Variants in SUCLG2 observed in about 807,000 individuals in gnomAD.
SUCLG2 encodes succinate-CoA ligase GDP-forming subunit beta, also known as succinate--CoA ligase [GDP-forming] subunit beta, mitochondrial.
In SUCLG2, 42 loss-of-function variants were observed where a neutral mutation model predicts 47.9. That is an observed-to-expected ratio of 0.88 (90% CI 0.69 to 1.14). SUCLG2 has a LOEUF of 1.14. SUCLG2 is among the 50% of genes most tolerant of loss of function. SUCLG2 has a pLI of 0.00. For synonymous variants in SUCLG2, 195 were observed against 197.3 expected (o/e 0.99, Z 0.10); for missense variants, 571 against 525.9 (o/e 1.09, Z -0.84).
At chr3:67,392,179 G>C (rs1039926483) in intron 10 of SUCLG2, among the ~76,000 whole-genome samples, 2 of 152,060 alleles carry the variant, frequency 1.3e-5, no homozygotes, top group African/African-American at 2.4e-5. Flanking sequence ...ACTGACCCCT[G>C]TGGACATGTC....
chr3:67,524,862 T>C (rs1016521963), intron 4 of SUCLG2, among the ~76,000 whole-genome samples: 1 of 152,122 alleles, frequency 6.6e-6, no homozygotes, highest in Non-Finnish European at 1.5e-5. Flanking sequence ...TCAGGCAGGG[T>C]GCTGGGTGCT....
chr3:67,360,553 G>A (rs756361089), exon 11 of SUCLG2: 81 of 1,399,226 alleles, frequency 5.8e-5, no homozygotes, highest in Admixed American at 2.6e-5. Flanking sequence ...GAACCCAAAT[G>A]TAAAAAAATA....
chr3:67,377,869 G>C (rs1445772818), intron 10 of SUCLG2, among the ~76,000 whole-genome samples: 1 of 152,088 alleles, frequency 6.6e-6, no homozygotes, highest in Non-Finnish European at 1.5e-5. Flanking sequence ...GCCCAGGCTG[G>C]TCCTGAACTC....
intron 1 of SUCLG2, among the ~76,000 whole-genome samples, chr3:67,616,045 T>A (rs1193890621): frequency 6.6e-6 from 1 of 151,922 alleles, no homozygotes; most frequent in African/African-American, 2.4e-5. Context: ...TTGTAGCTAG[T>A]ATGCCAAAAC....
intron 2 of SUCLG2, among the ~76,000 whole-genome samples, chr3:67,578,014 G>T (rs7643495): frequency 0.27 from 40,430 of 151,668 alleles, 6,152 homozygotes; most frequent in East Asian, 0.44. Context: ...GTGAAGTAAG[G>T]GGGGAAGACC....
intron 1 of SUCLG2, among the ~76,000 whole-genome samples, chr3:67,653,536 A>C (rs115563180): frequency 0.011 from 1,689 of 152,334 alleles, 38 homozygotes; most frequent in African/African-American, 0.039. Flanking sequence ...TTTTCTAAAA[A>C]ACTATACTAT....
At chr3:67,453,357 C>T (rs1276560891) in intron 9 of SUCLG2, among the ~76,000 whole-genome samples, 1 of 152,000 alleles carries the variant, frequency 6.6e-6, no homozygotes, top group Non-Finnish European at 1.5e-5. Context: ...ATCCAGGCAC[C>T]AACAGATTTG....
At chr3:67,430,992 G>A (rs1211233930) in intron 9 of SUCLG2, among the ~76,000 whole-genome samples, 3 of 152,312 alleles carry the variant, frequency 2.0e-5, no homozygotes, top group South Asian at 2.1e-4. Context: ...TCCAGGACCA[G>A]ACGGATTCAC....
chr3:67,637,109 A>C (rs1410525609), intron 1 of SUCLG2, among the ~76,000 whole-genome samples: 1 of 152,148 alleles, frequency 6.6e-6, no homozygotes, highest in Non-Finnish European at 1.5e-5. Flanking sequence ...AGGTTATAGG[A>C]CTTGAGAAGA....
At chr3:67,423,330 G>C (rs776451870) in intron 9 of SUCLG2, among the ~76,000 whole-genome samples, 23 of 152,128 alleles carry the variant, frequency 1.5e-4, no homozygotes, top group Non-Finnish European at 3.2e-4. Context: ...GCGGAACTGT[G>C]AGTCAATTTA....
intron 2 of SUCLG2, among the ~76,000 whole-genome samples, chr3:67,552,617 T>C (rs140688341): frequency 1.3e-5 from 2 of 152,328 alleles, no homozygotes; most frequent in African/African-American, 2.4e-5. Flanking sequence ...TGGATTGCCA[T>C]TCCAGTTCAA....
chr3:67,519,726 G>A (rs1020784648), intron 5 of SUCLG2, among the ~76,000 whole-genome samples: 15 of 152,124 alleles, frequency 9.9e-5, no homozygotes, highest in African/African-American at 3.6e-4. Flanking sequence ...TTGACCCCAA[G>A]AACCCAGATT....
intron 9 of SUCLG2, among the ~76,000 whole-genome samples, chr3:67,470,901 T>C (rs1704588603): frequency 6.6e-6 from 1 of 152,048 alleles, no homozygotes; most frequent in Non-Finnish European, 1.5e-5. Context: ...ACCAAACAGG[T>C]GAAATGGGGG....
intron 1 of SUCLG2, among the ~76,000 whole-genome samples, chr3:67,634,135 A>T (rs866560436): frequency 3.3e-5 from 5 of 152,158 alleles, no homozygotes; most frequent in Admixed American, 6.5e-5. Context: ...TATCCACATG[A>T]TCCTGCATCG....
At chr3:67,430,594 C>T (rs960818115) in intron 9 of SUCLG2, among the ~76,000 whole-genome samples, 1 of 152,070 alleles carries the variant, frequency 6.6e-6, no homozygotes, top group African/African-American at 2.4e-5. Flanking sequence ...CAAGAAATAA[C>T]TAAGATCAGA....
rs529657473 is a variant in SUCLG2 at position 67,393,213 on chromosome 3, C to T, written c.1183+7518G>A. ...GCACCATGCACGAGCCAAAGCAGGG[C>T]GAGGCATTGCCTCACTCGGGAAGTG... On this transcript the variant is annotated intron_variant, in intron 10 of 10. Transcript: ENST00000307227. 1.8e-4 allele frequency among the ~76,000 whole-genome samples: 27 copies of T among 152,210 alleles called. No homozygotes were observed. In the East Asian group the frequency reaches 4.1e-3, roughly 23 times the overall value.
At chr3:67,585,344 G>A (rs1707988693) in intron 2 of SUCLG2, among the ~76,000 whole-genome samples, 1 of 152,164 alleles carries the variant, frequency 6.6e-6, no homozygotes, top group South Asian at 2.1e-4. Flanking sequence ...TAAATTAGTT[G>A]TGAAAACACA....
At chr3:67,557,492 G>A (rs1473242558) in intron 2 of SUCLG2, among the ~76,000 whole-genome samples, 2 of 152,140 alleles carry the variant, frequency 1.3e-5, no homozygotes, top group South Asian at 2.1e-4. Context: ...AAAAAGCACA[G>A]ATGACATCAA....
chr3:67,617,787 ATG>A lies in SUCLG2; in HGVS notation c.85-8193_85-8192del, dbSNP rs1430198757. Among the ~76,000 whole-genome samples the A allele has an allele frequency of 4.6e-5, 7 of 152,304 alleles. No individual in the cohort carries two copies. The East Asian group carries it at 1.4e-3, about 29-fold the overall frequency. The stretch of plus-strand genomic sequence containing the variant: ...CTTCAAAGGCTGTTGTAAAGATTAA[ATG>A]AGTTAATATATGCAAATAAACTGGA... On this transcript the variant is annotated intron_variant, in intron 1 of 10. Coordinates refer to ENST00000307227, the MANE Select transcript of SUCLG2 (RefSeq NM_003848.4).
Sources: gnomAD v4.1 joint callset for allele counts (sites outside exome capture counted in the v4.1 genomes callset) on GRCh38, gnomAD v4.1.1 for gene constraint, MANE v1.5 for transcripts, NCBI Gene and HGNC (gene_info 2026-07-23, HGNC 2026-07-21) for gene names.